ST8SIA4: variants seen among roughly 807,000 people sequenced by gnomAD.
ST8SIA4 encodes ST8 alpha-N-acetyl-neuraminide alpha-2,8-sialyltransferase 4, also known as CMP-N-acetylneuraminate-poly-alpha-2,8-sialyltransferase.
ST8SIA4 carries 15 observed loss-of-function variants against 33.9 expected under a neutral mutation model. The ratio of observed to expected loss-of-function variants is 0.44; its 90% CI spans 0.30 to 0.68. The LOEUF (loss-of-function observed/expected upper bound fraction) is 0.68, where lower values mean the gene tolerates loss of function less well. Among genes scored for constraint, ST8SIA4 ranks in the 30% least tolerant of loss-of-function variants. ST8SIA4 has a pLI of 0.10. For missense variants in ST8SIA4, 321 were observed against 428.0 expected (o/e 0.75, Z 2.21); for synonymous variants, 171 against 151.2 (o/e 1.13, Z -0.96).
chr5:100,852,114 C>CTTTTTT lies in ST8SIA4; in HGVS notation c.797+3983_797+3988dup, dbSNP rs773074391. Among the ~76,000 whole-genome samples, 664 of 83,426 alleles carry CTTTTTT rather than the reference C, an allele frequency of 8.0e-3. 5 individuals carry two copies. The highest frequency in any genetic ancestry group is 0.026 in the Middle Eastern group (2 of 76). The allele number at this position is 83,426 out of a possible 152,430, so 54.7% of individuals were successfully genotyped here. On this transcript the variant is annotated intron_variant, in intron 4 of 4. Coordinates refer to ENST00000231461, the MANE Select transcript of ST8SIA4 (RefSeq NM_005668.6). The stretch of plus-strand genomic sequence containing the variant: ...TTACTATCTTATTTGCTCCACTCTT[C>CTTTTTT]TTTTTTTTTTTTTTTTTTTTTTTTG...
intron 3 of ST8SIA4, among the ~76,000 whole-genome samples, chr5:100,864,574 CAAAAAAAAAAAAAAAA>C (rs201029430): frequency 4.3e-5 from 3 of 69,384 alleles, no homozygotes; most frequent in South Asian, 1.1e-3. Context: ...GACTCCGGCT[CAAAAAAAAAAAAAAAA>C]AAAAAAAAAA....
chr5:100,858,914 G>A (rs1751874534), intron 3 of ST8SIA4, among the ~76,000 whole-genome samples: 1 of 151,954 alleles, frequency 6.6e-6, no homozygotes, highest in Non-Finnish European at 1.5e-5. Flanking sequence ...AAAATACAAC[G>A]CTTTGTGGTT....
intron 4 of ST8SIA4, among the ~76,000 whole-genome samples, chr5:100,833,878 C>A (rs151169039): frequency 6.6e-6 from 1 of 152,048 alleles, no homozygotes; most frequent in Non-Finnish European, 1.5e-5. Flanking sequence ...ACTTATCGTA[C>A]GGTACTATAA....
rs3064415 is a variant in ST8SIA4 at position 100,852,443 on chromosome 5, TAA to T, written c.797+3658_797+3659del. ...GGCCCAAAATTGCTCCATTCTTTAT[TAA>T]AAAAAAAAAATACAAAATGTTAATT... On this transcript the variant is annotated intron_variant, in intron 4 of 4. Coordinates refer to ENST00000231461, the MANE Select transcript of ST8SIA4 (RefSeq NM_005668.6). Among the ~76,000 whole-genome samples, 346 of 148,994 alleles carry T rather than the reference TAA, an allele frequency of 2.3e-3. 2 individuals carry two copies. Among genetic ancestry groups the T allele is most frequent in the African/African-American group, 6.5e-3 (264 of 40,674 alleles).
intron 1 of ST8SIA4, among the ~76,000 whole-genome samples, chr5:100,899,627 T>C (rs1752856308): frequency 6.6e-6 from 1 of 152,208 alleles, no homozygotes. Flanking sequence ...AAATAGTGTG[T>C]AGCAAGATTT....
intron 3 of ST8SIA4, among the ~76,000 whole-genome samples, chr5:100,882,758 C>T (rs1218867295): frequency 1.3e-5 from 2 of 152,242 alleles, no homozygotes; most frequent in African/African-American, 4.8e-5. Flanking sequence ...ATGTAGAACT[C>T]AGGCTGTGGC....
chr5:100,817,646 G>A (rs750211488), intron 4 of ST8SIA4, among the ~76,000 whole-genome samples: 2 of 152,106 alleles, frequency 1.3e-5, no homozygotes, highest in Admixed American at 1.3e-4. Flanking sequence ...AATTATTTTG[G>A]TACAGTTCAT....
At chr5:100,902,262 T>A (rs1752934892) in intron 1 of ST8SIA4, among the ~76,000 whole-genome samples, 1 of 152,156 alleles carries the variant, frequency 6.6e-6, no homozygotes, top group South Asian at 2.1e-4. Flanking sequence ...ACTGTAACCA[T>A]GACGCCCATG....
chr5:100,846,447 T>A (rs1379587683), intron 4 of ST8SIA4, among the ~76,000 whole-genome samples: 1 of 151,832 alleles, frequency 6.6e-6, no homozygotes, highest in African/African-American at 2.4e-5. Context: ...TATGAAAAAA[T>A]TTAAAATAAA....
In ST8SIA4 at chr5:100,856,943, A is replaced by G. The variant is rs537075687; in HGVS notation, c.504-547T>C. 5.3e-5 allele frequency among the ~76,000 whole-genome samples: 8 copies of G among 152,262 alleles called. No individual in the cohort carries two copies. In the South Asian group the frequency reaches 1.4e-3, roughly 28 times the overall value. On this transcript the variant is annotated intron_variant, in intron 3 of 4. Coordinates refer to ENST00000231461, the MANE Select transcript of ST8SIA4 (RefSeq NM_005668.6). ...AGTGTTTTACACAAACATATTTACAATTGCTTTCTATAGGTCTAAATGGGG... is the reference window on the plus strand; with the variant it reads ...AGTGTTTTACACAAACATATTTACAGTTGCTTTCTATAGGTCTAAATGGGG...
intron 3 of ST8SIA4, among the ~76,000 whole-genome samples, chr5:100,881,430 C>A (rs1752420257): frequency 6.6e-6 from 1 of 152,162 alleles, no homozygotes; most frequent in Admixed American, 6.6e-5. Flanking sequence ...AGTTTGTTAA[C>A]TATGTCAACA....
At chr5:100,813,698 G>GA (rs1390819592) in intron 4 of ST8SIA4, among the ~76,000 whole-genome samples, 4 of 151,918 alleles carry the variant, frequency 2.6e-5, no homozygotes, top group African/African-American at 4.8e-5. Flanking sequence ...TGGGCTCTGA[G>GA]AAAACAAGTG....
chr5:100,812,496 G>C (rs1194242308), intron 4 of ST8SIA4, among the ~76,000 whole-genome samples: 1 of 151,914 alleles, frequency 6.6e-6, no homozygotes, highest in Non-Finnish European at 1.5e-5. Context: ...ATTGGGTAGA[G>C]ATTAAGTAAT....
In ST8SIA4 at chr5:100,823,498, C is replaced by T. The variant is rs367851948; in HGVS notation, c.798-11369G>A. Reference sequence around the variant, plus strand: ...AGATCCAAGAACCCACTCTTGGGGTCTAGATGGGGTCTCCTTTCCAGTAAT... The same window carrying T: ...AGATCCAAGAACCCACTCTTGGGGTTTAGATGGGGTCTCCTTTCCAGTAAT... On this transcript the variant is annotated intron_variant, in intron 4 of 4. Transcript: ENST00000231461. Among the ~76,000 whole-genome samples the T allele has an allele frequency of 5.3e-5, 8 of 152,310 alleles. No individual in the cohort carries two copies. In the South Asian group the frequency reaches 1.7e-3, roughly 32 times the overall value.
intron 4 of ST8SIA4, among the ~76,000 whole-genome samples, chr5:100,848,905 G>GTATATATATTTCTTATATATTTCAAA (rs1203314419): frequency 1.0e-4 from 15 of 149,692 alleles, no homozygotes; most frequent in African/African-American, 1.5e-4. Flanking sequence ...GTCTATGTGT[G>GTATATATATTTCTTATATATTTCAAA]TATATATATT....
Position 100,812,149 on chromosome 5 carries a change from A to C in ST8SIA4, c.798-20T>G. The stretch of plus-strand genomic sequence containing the variant: ...CAGTAACTGGAAAAACAAAAAACAA[A>C]ATCAAGAAGAGAAGAATTTAGACAC... On this transcript the variant is annotated intron_variant, in intron 4 of 4. Transcript: ENST00000231461. The C allele has an allele frequency of 6.3e-7, 1 of 1,596,626 alleles. No homozygotes were observed. The highest frequency in any genetic ancestry group is 1.1e-5 in the South Asian group (1 of 87,900).
chr5:100,825,356 T>C (rs1293537258), intron 4 of ST8SIA4, among the ~76,000 whole-genome samples: 2 of 152,184 alleles, frequency 1.3e-5, no homozygotes, highest in Non-Finnish European at 2.9e-5. Context: ...ATATTTTATA[T>C]ATTAACATTA....
At chr5:100,819,735 A>C (rs1750999953) in intron 4 of ST8SIA4, among the ~76,000 whole-genome samples, 1 of 152,210 alleles carries the variant, frequency 6.6e-6, no homozygotes, top group Non-Finnish European at 1.5e-5. Flanking sequence ...GTGAAGAGAG[A>C]AAATGGAGTA....
intron 3 of ST8SIA4, 125 bp downstream of exon 3, chr5:100,886,218 A>G (rs1283975586): frequency 7.5e-6 from 11 of 1,459,372 alleles, no homozygotes; most frequent in East Asian, 2.4e-5. Context: ...TGCACAGAAA[A>G]GGATATCATA....
Sources: allele counts gnomAD v4.1 joint callset (sites outside exome capture counted in the v4.1 genomes callset), GRCh38; gene constraint gnomAD v4.1.1; transcripts MANE v1.5; gene names NCBI Gene and HGNC (gene_info 2026-07-23, HGNC 2026-07-21).